Variants in RALYL observed in about 807,000 individuals in gnomAD.
The protein encoded by RALYL is RNA-binding Raly-like protein.
Under a neutral mutation model 35.1 loss-of-function variants are expected in RALYL, and 29 were observed. The ratio of observed to expected loss-of-function variants is 0.83; its 90% CI spans 0.61 to 1.13. The LOEUF (loss-of-function observed/expected upper bound fraction) is 1.13, where lower values mean the gene tolerates loss of function less well. Among genes scored for constraint, RALYL ranks in the 50% most tolerant of loss-of-function variants. The probability of loss-of-function intolerance (pLI) is 0.00; values close to 1 mark genes in which losing one functional copy is unlikely to be tolerated. For synonymous variants in RALYL, 120 were observed against 127.6 expected, an observed-to-expected ratio of 0.94 and a Z score of 0.40; for missense variants, 359 against 360.4, an observed-to-expected ratio of 1.00 and a Z score of 0.03.
intron 1 of RALYL, among the ~76,000 whole-genome samples, chr8:84,496,423 A>C (rs2056024392): frequency 6.6e-6 from 1 of 152,128 alleles, no homozygotes; most frequent in Non-Finnish European, 1.5e-5. Flanking sequence ...TGTCTGAAGG[A>C]AGATTTACAC....
chr8:84,344,277 T>C (rs921264527), intron 1 of RALYL, among the ~76,000 whole-genome samples: 2 of 152,030 alleles, frequency 1.3e-5, no homozygotes, highest in Non-Finnish European at 2.9e-5. Context: ...TGCAAAAAAA[T>C]AGAAAATTTT....
At position 84,875,541 on chromosome 8, in the gene RALYL, A is replaced by AG. The variant is rs1295189778; in HGVS notation, c.685+2144_685+2145insG. ...TCATGAGACAGTTGCTTTTAAAATAATAAGACTTAGTCCTTTGATATTTAT... is the reference window on the plus strand; with the variant it reads ...TCATGAGACAGTTGCTTTTAAAATAAGTAAGACTTAGTCCTTTGATATTTAT... On this transcript the variant is annotated intron_variant, in intron 7 of 8. Transcript: ENST00000521268. Among the ~76,000 whole-genome samples, 16 of 108,926 alleles carry AG rather than the reference A, an allele frequency of 1.5e-4. No homozygotes were observed. The East Asian group carries it at 2.2e-3, about 15-fold the overall frequency. 71.5% of individuals were successfully genotyped at this position (108,926 alleles called of 152,430 possible). A position where few individuals can be genotyped will look rare whatever the true frequency, so the allele number is the denominator to read the frequency against.
At chr8:84,396,504 T>C (rs1239518980) in intron 1 of RALYL, among the ~76,000 whole-genome samples, 1 of 152,096 alleles carries the variant, frequency 6.6e-6, no homozygotes, top group African/African-American at 2.4e-5. Flanking sequence ...AGAACCCTTG[T>C]TCATGTTCCA....
At chr8:84,549,762 G>A (rs2060596388) in intron 2 of RALYL, among the ~76,000 whole-genome samples, 1 of 152,162 alleles carries the variant, frequency 6.6e-6, no homozygotes, top group Non-Finnish European at 1.5e-5. Flanking sequence ...GGTAGGGAGG[G>A]CAGCTTTCCC....
intron 3 of RALYL, among the ~76,000 whole-genome samples, chr8:84,795,439 A>G (rs1023739506): frequency 3.3e-5 from 5 of 152,192 alleles, no homozygotes; most frequent in Non-Finnish European, 7.3e-5. Flanking sequence ...CAACTTCACA[A>G]GAAAGTTATG....
At chr8:84,809,645 A>G (rs1825460000) in intron 4 of RALYL, among the ~76,000 whole-genome samples, 1 of 152,056 alleles carries the variant, frequency 6.6e-6, no homozygotes, top group Admixed American at 6.5e-5. Flanking sequence ...TTAAATTACC[A>G]TTTCAATCTC....
At chr8:84,816,205 G>T (rs1247762322) in intron 4 of RALYL, among the ~76,000 whole-genome samples, 1 of 152,036 alleles carries the variant, frequency 6.6e-6, no homozygotes, top group Non-Finnish European at 1.5e-5. Context: ...TTCATTTGAA[G>T]ACTGAGATTT....
At chr8:84,734,384 A>T (rs79595345) in intron 2 of RALYL, among the ~76,000 whole-genome samples, 3,123 of 152,302 alleles carry the variant, frequency 0.021, 119 homozygotes, top group African/African-American at 0.071. Flanking sequence ...ATTTATGCTA[A>T]AAGATTAGTT....
intron 8 of RALYL, among the ~76,000 whole-genome samples, chr8:84,920,331 A>G (rs1849122674): frequency 6.6e-6 from 1 of 152,066 alleles, no homozygotes. Context: ...TGTTCAACCA[A>G]TTGAATTTGG....
At chr8:84,570,610 T>C (rs1414542931) in intron 2 of RALYL, among the ~76,000 whole-genome samples, 1 of 151,916 alleles carries the variant, frequency 6.6e-6, no homozygotes, top group African/African-American at 2.4e-5. Context: ...GAACTTCCAA[T>C]ACTATGTTGA....
At position 84,638,971 on chromosome 8, in the gene RALYL, C is replaced by A. The variant is rs868448368; in HGVS notation, c.256+109394C>A. Among the ~76,000 whole-genome samples the A allele has an allele frequency of 5.7e-5, 7 of 122,096 alleles. No homozygotes were observed. In the South Asian group the frequency reaches 1.7e-3, roughly 29 times the overall value. The allele number at this position is 122,096 out of a possible 152,430, so 80.1% of individuals were successfully genotyped here. A position where few individuals can be genotyped will look rare whatever the true frequency, so the allele number is the denominator to read the frequency against. Reference sequence around the variant, plus strand: ...ATGTACACACACACACACAGACACACACACACACACACACACACACACACA... The same window carrying A: ...ATGTACACACACACACACAGACACAAACACACACACACACACACACACACA... On this transcript the variant is annotated intron_variant, in intron 2 of 8. Transcript: ENST00000521268.
Position 84,616,620 on chromosome 8 carries a change from G to T in RALYL, c.256+87043G>T, listed in dbSNP as rs1439710718. ...AATTAGATCCCATTTGTCAATTTTG[G>T]CTTTTGTTGCCATTGCTTTTGGTGT... On this transcript the variant is annotated intron_variant, in intron 2 of 8. Coordinates refer to ENST00000521268, the MANE Select transcript of RALYL (RefSeq NM_173848.7). Among the ~76,000 whole-genome samples, 24 of 150,364 alleles carry T rather than the reference G, an allele frequency of 1.6e-4. No homozygotes were observed. The East Asian group carries it at 2.0e-3, about 12-fold the overall frequency.
At chr8:84,342,876 G>A (rs1849117218) in intron 1 of RALYL, among the ~76,000 whole-genome samples, 1 of 151,954 alleles carries the variant, frequency 6.6e-6, no homozygotes, top group African/African-American at 2.4e-5. Flanking sequence ...CTCCTGTTAG[G>A]CCTCTAGCTT....
chr8:84,724,139 C>A (rs866718586), intron 2 of RALYL, among the ~76,000 whole-genome samples: 1 of 151,712 alleles, frequency 6.6e-6, no homozygotes, highest in Non-Finnish European at 1.5e-5. Context: ...GAAATTAAAT[C>A]AGATATTTAC....
chr8:84,864,183 T>G (rs1343697699), intron 6 of RALYL, among the ~76,000 whole-genome samples: 1 of 141,278 alleles, frequency 7.1e-6, no homozygotes, highest in Non-Finnish European at 1.5e-5. Flanking sequence ...TAATTTCATC[T>G]TTTCTTTGTG....
intron 2 of RALYL, among the ~76,000 whole-genome samples, chr8:84,684,069 A>G (rs1393335452): frequency 6.6e-6 from 1 of 152,132 alleles, no homozygotes; most frequent in East Asian, 1.9e-4. Context: ...AGACGTAAAT[A>G]AGATCATTAA....
chr8:84,250,058 T>A (rs1413742648), intron 1 of RALYL, among the ~76,000 whole-genome samples: 1 of 152,070 alleles, frequency 6.6e-6, no homozygotes, highest in Admixed American at 6.6e-5. Flanking sequence ...ATATCCAGTG[T>A]CCTGCTTTAT....
intron 1 of RALYL, among the ~76,000 whole-genome samples, chr8:84,402,252 A>G (rs893074156): frequency 3.3e-5 from 5 of 152,192 alleles, no homozygotes; most frequent in Admixed American, 3.3e-4. Flanking sequence ...ACCATAGCAA[A>G]TATGCTACCT....
intron 1 of RALYL, among the ~76,000 whole-genome samples, chr8:84,235,767 C>CT (rs556495836): frequency 0.015 from 1,921 of 126,862 alleles, 13 homozygotes; most frequent in African/African-American, 0.022. Flanking sequence ...TTTTCTTTTT[C>CT]TTTTTTTTTT....
Sources: gnomAD v4.1 joint callset for allele counts (sites outside exome capture counted in the v4.1 genomes callset) on GRCh38, gnomAD v4.1.1 for gene constraint, MANE v1.5 for transcripts, NCBI Gene and HGNC (gene_info 2026-07-23, HGNC 2026-07-21) for gene names.